RASA1: variants seen among roughly 807,000 people sequenced by gnomAD.
The protein encoded by RASA1 is RAS p21 protein activator 1.
Under a neutral mutation model 132.2 loss-of-function variants are expected in RASA1, and 25 were observed. That is an observed-to-expected ratio of 0.19 (90% CI 0.14 to 0.26). The LOEUF (loss-of-function observed/expected upper bound fraction) is 0.26. RASA1 is among the 10% of genes least tolerant of loss of function. RASA1 has a pLI of 1.00. For synonymous variants in RASA1, 477 were observed against 449.9 expected (o/e 1.06, Z -0.76); for missense variants, 964 against 1,299.2 (o/e 0.74, Z 3.97).
chr5:87,268,885 C>A lies in RASA1; in HGVS notation c.434C>A (p.Pro145His). 1.2e-6 allele frequency: 2 copies of A among 1,614,130 alleles called. No homozygotes were observed. Among genetic ancestry groups the A allele is most frequent in the Non-Finnish European group, 8.5e-7 (1 of 1,180,008 alleles). The part of the protein sequence containing the change: ...PPLPPPPYLP[P>H]LGAGLGTVDE... Reference sequence around the variant, plus strand: ...CTGCCCCCTCCCCCTTACCTGCCCCCTTTGGGGGCGGGCCTCGGGACAGTG... The same window carrying A: ...CTGCCCCCTCCCCCTTACCTGCCCCATTTGGGGGCGGGCCTCGGGACAGTG... Residue 145 changes from proline (P) to histidine (H), a missense_variant, in exon 1 of 25, where the codon CCT becomes CAT. Coordinates refer to ENST00000274376, the MANE Select transcript of RASA1 (RefSeq NM_002890.3).
chr5:87,268,735 T>C lies in RASA1; in HGVS notation c.284T>C (p.Val95Ala). 7 of 1,613,104 alleles carry C rather than the reference T, an allele frequency of 4.3e-6. No individual in the cohort carries two copies. Among genetic ancestry groups the C allele is most frequent in the African/African-American group, 1.3e-5 (1 of 75,026 alleles). The change falls in exon 1 of 25, where the codon GTA (valine) becomes GCA (alanine). Residue 95 changes from valine (V) to alanine (A), a missense_variant. Val to Ala is a moderately conservative substitution (Grantham distance 64). Transcript: ENST00000274376. ...ACAGGGGGAGGTACTGCTGCTGGCG[T>C]AGCTGGTGCTGCTGCTGGCGTGGCC... The part of the protein sequence containing the change: ...GLTGGGTAAG[V>A]AGAAAGVAGA...
intron 14 of RASA1, 22 bp downstream of exon 14, chr5:87,374,342 C>T (rs773451347): frequency 2.5e-6 from 4 of 1,583,546 alleles, no homozygotes; most frequent in Non-Finnish European, 3.4e-6. Context: ...TTTATCATTA[C>T]ATTAATCATT....
intron 23 of RASA1, 91 bp from the exon 24 acceptor site, chr5:87,389,302 G>A: frequency 1.3e-6 from 2 of 1,523,414 alleles, no homozygotes; most frequent in Non-Finnish European, 1.8e-6. Context: ...TTGCATTTCA[G>A]CCTGGGCAAC....
chr5:87,280,678 G>T (rs1471746540), intron 1 of RASA1, among the ~76,000 whole-genome samples: 1 of 152,052 alleles, frequency 6.6e-6, no homozygotes, highest in African/African-American at 2.4e-5. Context: ...TGTGTCTTTG[G>T]CCCATTTTCA....
Position 87,390,979 on chromosome 5 carries a change from CACTTTTCCACATTCCAG to C in RASA1, c.*97_*113del. On this transcript the variant is annotated 3_prime_UTR_variant, in exon 25 of 25. Transcript: ENST00000274376. ...CCTTTGCTCTTGCCAAAAAATAGCA[CACTTTTCCACATTCCAG>C]TGATGTGTGAGCTATGCAAACAAAA... 1 of 1,200,056 alleles carries C rather than the reference CACTTTTCCACATTCCAG, an allele frequency of 8.3e-7. No individual in the cohort carries two copies. The highest frequency in any genetic ancestry group is 1.2e-6 in the Non-Finnish European group (1 of 812,134). 74.3% of individuals were successfully genotyped at this position (1,200,056 alleles called of 1,614,324 possible).
chr5:87,301,712 A>G (rs1296915634), intron 1 of RASA1, among the ~76,000 whole-genome samples: 2 of 152,130 alleles, frequency 1.3e-5, no homozygotes, highest in East Asian at 1.9e-4. Flanking sequence ...AGATATTCCA[A>G]TGAGCATTTC....
rs886494225 is a variant in RASA1 at position 87,391,795 on chromosome 5, G to A, written c.*912G>A. 4 of 231,706 alleles carry A rather than the reference G, an allele frequency of 1.7e-5. No homozygotes were observed. The highest frequency in any genetic ancestry group is 1.8e-4 in the South Asian group (1 of 5,542). The allele number at this position is 231,706 out of a possible 1,614,324, so 14.4% of individuals were successfully genotyped here. A position where few individuals can be genotyped will look rare whatever the true frequency, so the allele number is the denominator to read the frequency against. ...CTAACTTATCCATCTTTGAACTTCT[G>A]ACTACTTGTTGTATCTGCTGGATAT... On this transcript the variant is annotated 3_prime_UTR_variant, in exon 25 of 25. Coordinates refer to ENST00000274376, the MANE Select transcript of RASA1 (RefSeq NM_002890.3).
Position 87,268,688 on chromosome 5 carries a change from G to A in RASA1, c.237G>A (p.Gly79=), listed in dbSNP as rs958344297. The A allele has an allele frequency of 5.0e-6, 8 of 1,611,654 alleles. No homozygotes were observed. Among genetic ancestry groups the A allele is most frequent in the Non-Finnish European group, 6.8e-6 (8 of 1,179,034 alleles). ...TCCTAGGAGCCGGGTCTGTGGCAGG[G>A]GCACTGGGGGGAGCTGGACTGACAG... ...SEFLGAGSVA[G]ALGGAGLTGG... is the part of the protein sequence containing the mutation. The change falls in exon 1 of 25, where the codon GGG becomes GGA. Residue 79 remains glycine (G), a synonymous_variant. Transcript: ENST00000274376.
At chr5:87,275,949 A>G (rs1363223459) in intron 1 of RASA1, among the ~76,000 whole-genome samples, 3 of 152,154 alleles carry the variant, frequency 2.0e-5, no homozygotes, top group Admixed American at 6.5e-5. Context: ...GTATTTATCA[A>G]GCTTCTGTGT....
At chr5:87,275,717 C>T (rs893989524) in intron 1 of RASA1, among the ~76,000 whole-genome samples, 10 of 152,050 alleles carry the variant, frequency 6.6e-5, no homozygotes, top group East Asian at 1.9e-4. Flanking sequence ...ATTACAGGTG[C>T]GTGCCACCAC....
At position 87,341,176 on chromosome 5, in the gene RASA1, A is replaced by AAAAGATTTTTATATAAAAAGATTTTT. The variant is rs1580306706; in HGVS notation, c.1018-113_1018-112insAAGATTTTTATATAAAAAGATTTTTA. 9.1e-6 allele frequency: 5 copies of AAAAGATTTTTATATAAAAAGATTTTT among 551,028 alleles called. No individual in the cohort carries two copies. The East Asian group carries it at 1.9e-4, about 21-fold the overall frequency. 34.1% of individuals were successfully genotyped at this position (551,028 alleles called of 1,614,324 possible). The stretch of plus-strand genomic sequence containing the variant: ...GAACAGAAACATCTTTTTTTATATA[A>AAAAGATTTTTATATAAAAAGATTTTT]ACATAAATAAGGATAGTGTGGGGAT... On this transcript the variant is annotated intron_variant, in intron 5 of 24. Coordinates refer to ENST00000274376, the MANE Select transcript of RASA1 (RefSeq NM_002890.3).
chr5:87,362,993 C>T (rs758987406), intron 10 of RASA1, among the ~76,000 whole-genome samples: 13 of 150,968 alleles, frequency 8.6e-5, no homozygotes, highest in Non-Finnish European at 1.8e-4. Context: ...GACATAACGA[C>T]ATTTTGGGGA....
At chr5:87,330,086 G>A (rs981310580) in intron 1 of RASA1, among the ~76,000 whole-genome samples, 2 of 152,048 alleles carry the variant, frequency 1.3e-5, no homozygotes, top group Admixed American at 6.5e-5. Flanking sequence ...TGTTTGTTAA[G>A]TCGTAATGGA....
intron 1 of RASA1, among the ~76,000 whole-genome samples, chr5:87,291,178 A>G (rs1031351721): frequency 2.0e-5 from 3 of 152,108 alleles, no homozygotes; most frequent in African/African-American, 7.2e-5. Context: ...TTGTTTGAAT[A>G]TGCTGTTTTC....
chr5:87,294,017 T>C (rs1469274261), intron 1 of RASA1, among the ~76,000 whole-genome samples: 2 of 152,120 alleles, frequency 1.3e-5, no homozygotes, highest in African/African-American at 4.8e-5. Flanking sequence ...TTCAGAAAAG[T>C]TACTTTTGGG....
chr5:87,350,289 T>C (rs774803940), intron 8 of RASA1, among the ~76,000 whole-genome samples: 8 of 151,890 alleles, frequency 5.3e-5, no homozygotes, highest in Non-Finnish European at 1.2e-4. Flanking sequence ...TACAGGTTGC[T>C]TGAGTACTTT....
intron 20 of RASA1, among the ~76,000 whole-genome samples, chr5:87,382,836 C>T (rs1761812940): frequency 6.6e-6 from 1 of 151,898 alleles, no homozygotes; most frequent in Non-Finnish European, 1.5e-5. Flanking sequence ...GTAATCTCAA[C>T]ATGTTTAGAC....
chr5:87,369,835 G>C lies in RASA1; in HGVS notation c.1633G>C (p.Val545Leu). 2 of 1,611,736 alleles carry C rather than the reference G, an allele frequency of 1.2e-6. No homozygotes were observed. The highest frequency in any genetic ancestry group is 1.7e-6 in the Non-Finnish European group (2 of 1,178,636). ...AAGGCCAAACTGTTTTCAGATAGTA[G>C]TTCAGCACTTTAGTGAAGAACATTA... is the stretch of plus-strand genomic sequence containing the variant. The part of the protein sequence containing the change: ...FGRPNCFQIV[V>L]QHFSEEHYIF... The change falls in exon 12 of 25, where the codon GTT becomes CTT. Residue 545 changes from valine to leucine, a missense_variant. Physicochemically the swap from Val to Leu is conservative, Grantham distance 32. Transcript: ENST00000274376.
rs569548684 is a variant in RASA1 at position 87,272,850 on chromosome 5, A to G, written c.539+3860A>G. Among the ~76,000 whole-genome samples the G allele has an allele frequency of 3.3e-5, 5 of 152,322 alleles. No individual in the cohort carries two copies. In the South Asian group the frequency reaches 1.0e-3, roughly 32 times the overall value. On this transcript the variant is annotated intron_variant, in intron 1 of 24. Transcript: ENST00000274376. ...ATTCAAGTGTTCTCTATAAATTCCT[A>G]TTCCTGAATGTAGATATTCATATTT...
Sources: gnomAD v4.1 joint callset for allele counts (sites outside exome capture counted in the v4.1 genomes callset) on GRCh38, gnomAD v4.1.1 for gene constraint, MANE v1.5 for transcripts, NCBI Gene and HGNC (gene_info 2026-07-23, HGNC 2026-07-21) for gene names.